MEIKIN: variants seen among roughly 807,000 people sequenced by gnomAD.
MEIKIN encodes the protein meiotic kinetochore factor.
intron 11 of MEIKIN, among the ~76,000 whole-genome samples, chr5:131,846,235 G>T (rs1002270060): frequency 6.6e-6 from 1 of 152,136 alleles, no homozygotes; most frequent in African/African-American, 2.4e-5. Context: ...AGCTGAGGGA[G>T]GTAGTTACCA....
intron 4 of MEIKIN, among the ~76,000 whole-genome samples, chr5:131,941,297 T>C (rs1751866844): frequency 6.8e-6 from 1 of 147,284 alleles, no homozygotes. Context: ...TAGCTGGGAT[T>C]ACAGGCGCCT....
At chr5:131,819,530 A>G (rs1407218610) in intron 11 of MEIKIN, among the ~76,000 whole-genome samples, 1 of 151,754 alleles carries the variant, frequency 6.6e-6, no homozygotes, top group Non-Finnish European at 1.5e-5. Context: ...TGTTTTTTAG[A>G]ATTAAGAAGC....
intron 8 of MEIKIN, among the ~76,000 whole-genome samples, chr5:131,898,274 T>G (rs2149637739): frequency 6.6e-6 from 1 of 152,332 alleles, no homozygotes; most frequent in East Asian, 1.9e-4. Context: ...CAAATATTGC[T>G]GCCTGATCCT....
chr5:131,941,308 G>A (rs1211976722), intron 4 of MEIKIN, among the ~76,000 whole-genome samples: 1 of 148,104 alleles, frequency 6.8e-6, no homozygotes, highest in Non-Finnish European at 1.5e-5. Flanking sequence ...ACAGGCGCCT[G>A]CCACCACGCC....
intron 11 of MEIKIN, among the ~76,000 whole-genome samples, chr5:131,829,238 T>G (rs1017226383): frequency 6.6e-6 from 1 of 152,148 alleles, no homozygotes; most frequent in Admixed American, 6.5e-5. Flanking sequence ...CTAGCCAACT[T>G]AAATAATCAA....
At chr5:131,848,456 C>T (rs1437114545) in intron 11 of MEIKIN, among the ~76,000 whole-genome samples, 2 of 151,920 alleles carry the variant, frequency 1.3e-5, no homozygotes, top group East Asian at 1.9e-4. Context: ...AAACACAAAG[C>T]CTCTCAATAC....
chr5:131,838,334 C>G (rs780451678), intron 11 of MEIKIN, among the ~76,000 whole-genome samples: 1 of 151,918 alleles, frequency 6.6e-6, no homozygotes, highest in East Asian at 1.9e-4. Context: ...TGTGTTTCTG[C>G]CAGGTTTTGG....
At chr5:131,900,292 C>T (rs1200037883) in intron 8 of MEIKIN, among the ~76,000 whole-genome samples, 1 of 152,068 alleles carries the variant, frequency 6.6e-6, no homozygotes, top group Non-Finnish European at 1.5e-5. Flanking sequence ...AGAGGGAAGG[C>T]ATTGAGAGTG....
At chr5:131,899,209 T>A (rs1751109243) in intron 8 of MEIKIN, among the ~76,000 whole-genome samples, 1 of 152,148 alleles carries the variant, frequency 6.6e-6, no homozygotes, top group Non-Finnish European at 1.5e-5. Context: ...TAAGATGTAG[T>A]TTTATTAGTT....
intron 11 of MEIKIN, among the ~76,000 whole-genome samples, chr5:131,838,368 A>G (rs948505687): frequency 3.3e-5 from 5 of 152,158 alleles, no homozygotes; most frequent in Admixed American, 2.0e-4. Flanking sequence ...CCGGCCTCAT[A>G]GAATAAGTTA....
intron 8 of MEIKIN, among the ~76,000 whole-genome samples, chr5:131,892,505 A>G (rs998694819): frequency 3.9e-5 from 6 of 151,904 alleles, no homozygotes; most frequent in African/African-American, 1.5e-4. Flanking sequence ...AGTTGATTGC[A>G]TTGGCTGCTG....
chr5:131,843,459 C>T (rs1441192779), intron 11 of MEIKIN, among the ~76,000 whole-genome samples: 2 of 152,218 alleles, frequency 1.3e-5, no homozygotes, highest in East Asian at 3.8e-4. Flanking sequence ...TTGTGAACAA[C>T]ACATATAAAC....
intron 9 of MEIKIN, among the ~76,000 whole-genome samples, chr5:131,856,990 G>A (rs1268123941): frequency 2.0e-5 from 3 of 150,358 alleles, no homozygotes; most frequent in Non-Finnish European, 4.4e-5. Context: ...AAGTTTTAGG[G>A]TACATGTGCA....
chr5:131,857,875 C>T (rs151123421), intron 9 of MEIKIN, among the ~76,000 whole-genome samples: 110 of 152,332 alleles, frequency 7.2e-4, no homozygotes, highest in African/African-American at 2.4e-3. Flanking sequence ...CGCTAATGTG[C>T]GGCACTCTGC....
intron 11 of MEIKIN, among the ~76,000 whole-genome samples, chr5:131,843,726 C>T (rs1294176493): frequency 6.6e-5 from 10 of 152,234 alleles, no homozygotes; most frequent in African/African-American, 2.4e-4. Context: ...TTGGTCAAAA[C>T]CATTCAACAA....
intron 11 of MEIKIN, among the ~76,000 whole-genome samples, chr5:131,840,417 G>T (rs150449754): frequency 6.6e-6 from 1 of 152,216 alleles, no homozygotes; most frequent in Non-Finnish European, 1.5e-5. Context: ...CTCTAGCTAG[G>T]TTGGGGAAGT....
At chr5:131,865,333 C>T (rs563368667) in intron 9 of MEIKIN, among the ~76,000 whole-genome samples, 1 of 152,272 alleles carries the variant, frequency 6.6e-6, no homozygotes, top group African/African-American at 2.4e-5. Flanking sequence ...CATTCTCCTG[C>T]CTCAGCCTCC....
intron 12 of MEIKIN, among the ~76,000 whole-genome samples, chr5:131,814,541 C>T (rs972801915): frequency 7.9e-5 from 12 of 151,844 alleles, no homozygotes; most frequent in Admixed American, 1.3e-4. Flanking sequence ...CCTCCCAAAG[C>T]GGTGGGATTA....
chr5:131,942,824 A>T, intron 3 of MEIKIN, 129 bp from the exon 4 acceptor site: 1 of 374,132 alleles, frequency 2.7e-6, no homozygotes, highest in East Asian at 3.9e-5. Context: ...TATATAATAC[A>T]TTCATTCAGT....
Sources: allele counts gnomAD v4.1 joint callset (sites outside exome capture counted in the v4.1 genomes callset), GRCh38; gene constraint gnomAD v4.1.1; transcripts MANE v1.5; gene names NCBI Gene and HGNC (gene_info 2026-07-23, HGNC 2026-07-21).